The following SPACA1 variants were observed in gnomAD, a reference collection of about 807,000 sequenced individuals.
SPACA1 encodes sperm acrosome membrane-associated protein 1.
In SPACA1, 17 loss-of-function variants were observed where a neutral mutation model predicts 32.6. The ratio of observed to expected loss-of-function variants is 0.52; its 90% CI spans 0.36 to 0.78. The LOEUF (loss-of-function observed/expected upper bound fraction) is 0.78, where lower values mean the gene tolerates loss of function less well. SPACA1 is among the 30% of genes least tolerant of loss of function. SPACA1 has a pLI of 0.01. For missense variants in SPACA1, 363 were observed against 373.4 expected, an observed-to-expected ratio of 0.97 and a Z score of 0.23; for synonymous variants, 140 against 138.1, an observed-to-expected ratio of 1.01 and a Z score of -0.10.
chr6:88,064,043 T>C (rs1775937332), intron 5 of SPACA1, 56 bp from the exon 6 acceptor site: 1 of 1,548,046 alleles, frequency 6.5e-7, no homozygotes, highest in East Asian at 2.3e-5. Flanking sequence ...TTAAGTTAGA[T>C]ATTCATTTCC....
chr6:88,049,145 C>A (rs1327398447), intron 1 of SPACA1, among the ~76,000 whole-genome samples: 1 of 152,138 alleles, frequency 6.6e-6, no homozygotes, highest in Non-Finnish European at 1.5e-5. Context: ...AGATCCTTGA[C>A]TTCGGAAATG....
In SPACA1 at chr6:88,048,127, C is replaced by A; in HGVS notation, c.208+14C>A. On this transcript the variant is annotated intron_variant, in intron 1 of 6. Transcript: ENST00000237201. ...AAACCGAGGATGGTGAGGGCGGGAG[C>A]TCCCTTGCGGGGCACGCGGAGGCCC... The A allele has an allele frequency of 1.3e-6, 2 of 1,576,172 alleles. No homozygotes were observed. The highest frequency in any genetic ancestry group is 1.7e-6 in the Non-Finnish European group (2 of 1,160,994).
intron 2 of SPACA1, among the ~76,000 whole-genome samples, chr6:88,054,753 G>A (rs1775781483): frequency 6.6e-6 from 1 of 152,026 alleles, no homozygotes; most frequent in African/African-American, 2.4e-5. Context: ...ATTTTGCAGG[G>A]GTGGCGGTGT....
Position 88,066,631 on chromosome 6 carries a change from G to T in SPACA1, c.*296G>T. On this transcript the variant is annotated 3_prime_UTR_variant, in exon 7 of 7. Transcript: ENST00000237201. ...TTTTGATCACTTTGATAACTTCTTAGGTGATTTGCCTGTTTTGTCTTAAAT... is the reference window on the plus strand; with the variant it reads ...TTTTGATCACTTTGATAACTTCTTATGTGATTTGCCTGTTTTGTCTTAAAT... 5.4e-6 allele frequency: 1 copy of T among 184,478 alleles called. No homozygotes were observed. The highest frequency in any genetic ancestry group is 1.7e-4 in the South Asian group (1 of 6,054). The allele number at this position is 184,478 out of a possible 1,614,324, so 11.4% of individuals were successfully genotyped here. A position where few individuals can be genotyped will look rare whatever the true frequency, so the allele number is the denominator to read the frequency against.
At chr6:88,064,612 C>G (rs1345127272) in intron 6 of SPACA1, 2 of 152,896 alleles carry the variant, frequency 1.3e-5, no homozygotes, top group Non-Finnish European at 2.9e-5. Flanking sequence ...ATGAGTAGTA[C>G]ACCCTGGTAA....
chr6:88,064,432 C>G, intron 6 of SPACA1: 1 of 316,774 alleles, frequency 3.2e-6, no homozygotes. Flanking sequence ...ACTTGCTTCT[C>G]CAACTATGAG....
Position 88,066,227 on chromosome 6 carries a change from G to C in SPACA1, c.777G>C (p.Glu259Asp). 1 of 1,611,340 alleles carries C rather than the reference G, an allele frequency of 6.2e-7. No individual in the cohort carries two copies. The highest frequency in any genetic ancestry group is 8.5e-7 in the Non-Finnish European group (1 of 1,178,352). Residue 259 changes from glutamate (E) to aspartate (D), a missense_variant, in exon 7 of 7, where the codon GAG becomes GAC. Coordinates refer to ENST00000237201, the MANE Select transcript of SPACA1 (RefSeq NM_030960.3). ...AFWGAKASTP[E>D]VQSEQSSVRY... ...GGGGGGCAAAAGCCTCTACACCTGA[G>C]GTACAATCCGAGCAGAGTTCTGTGA... is the stretch of plus-strand genomic sequence containing the variant.
At chr6:88,061,495 T>G (rs1436753695) in intron 5 of SPACA1, among the ~76,000 whole-genome samples, 1 of 151,242 alleles carries the variant, frequency 6.6e-6, no homozygotes, top group African/African-American at 2.4e-5. Context: ...GAATGCCAGG[T>G]GAAGACACAG....
chr6:88,047,998 C>T lies in SPACA1; in HGVS notation c.93C>T (p.Asn31=), dbSNP rs747805683. ...LAGLQSARGT[N]VTAAVQDAGL... is the part of the protein sequence containing the mutation. ...GCCTCCAGTCCGCGCGCGGGACCAA[C>T]GTCACCGCTGCCGTCCAGGATGCCG... The change falls in exon 1 of 7, where the codon AAC becomes AAT. Residue 31 remains asparagine, a synonymous_variant. Coordinates refer to ENST00000237201, the MANE Select transcript of SPACA1 (RefSeq NM_030960.3). 8.2e-6 allele frequency: 13 copies of T among 1,581,768 alleles called. No homozygotes were observed. The South Asian group carries it at 1.5e-4, about 18-fold the overall frequency.
chr6:88,065,427 A>G (rs1330294381), intron 6 of SPACA1, among the ~76,000 whole-genome samples: 3 of 148,094 alleles, frequency 2.0e-5, no homozygotes, highest in Non-Finnish European at 4.5e-5. Flanking sequence ...ATATTTACAT[A>G]TATAATATAT....
At chr6:88,061,161 A>G (rs1427646590) in intron 5 of SPACA1, among the ~76,000 whole-genome samples, 7 of 152,232 alleles carry the variant, frequency 4.6e-5, no homozygotes, top group Admixed American at 4.6e-4. Flanking sequence ...TATGTAATTG[A>G]GATATTTTTA....
chr6:88,049,313 A>T (rs1775694114), intron 1 of SPACA1, among the ~76,000 whole-genome samples: 2 of 152,210 alleles, frequency 1.3e-5, no homozygotes, highest in African/African-American at 4.8e-5. Flanking sequence ...TTTAGGCTAA[A>T]CTCAGGCAAT....
In SPACA1 at chr6:88,058,931, C is replaced by T. The variant is rs11964433; in HGVS notation, c.474+109C>T. The T allele has an allele frequency of 3.3e-3, 2,111 of 644,164 alleles. 39 individuals carry two copies. The African/African-American group carries it at 0.034, about 10-fold the overall frequency. The allele number at this position is 644,164 out of a possible 1,614,324, so 39.9% of individuals were successfully genotyped here. ...TCTTTTTAAAAGCAGTTTGCCAAAA[C>T]GAAGTTAAGAATTATACAACTTTAT... On this transcript the variant is annotated intron_variant, in intron 4 of 6. Coordinates refer to ENST00000237201, the MANE Select transcript of SPACA1 (RefSeq NM_030960.3).
At chr6:88,052,707 T>C (rs1775746877) in intron 1 of SPACA1, among the ~76,000 whole-genome samples, 1 of 152,024 alleles carries the variant, frequency 6.6e-6, no homozygotes. Context: ...CATGGTGGCG[T>C]CTGCCTGTAG....
At chr6:88,059,619 A>T (rs1387148663) in intron 5 of SPACA1, 31 bp downstream of exon 5, 1 of 1,579,114 alleles carries the variant, frequency 6.3e-7, no homozygotes, top group Non-Finnish European at 8.6e-7. Flanking sequence ...TGGTTTGCTT[A>T]TATGCCAATC....
At chr6:88,057,167 C>T (rs1775822092) in intron 2 of SPACA1, among the ~76,000 whole-genome samples, 1 of 151,982 alleles carries the variant, frequency 6.6e-6, no homozygotes, top group Non-Finnish European at 1.5e-5. Flanking sequence ...AAAATACTGC[C>T]AATTAATTTA....
chr6:88,064,002 G>A, intron 5 of SPACA1, 97 bp from the exon 6 acceptor site: 1 of 1,356,670 alleles, frequency 7.4e-7, no homozygotes, highest in East Asian at 2.5e-5. Context: ...ATTTCTTTAT[G>A]TTTCTAGAGT....
chr6:88,061,072 G>T (rs1775890351), intron 5 of SPACA1, among the ~76,000 whole-genome samples: 1 of 152,154 alleles, frequency 6.6e-6, no homozygotes, highest in South Asian at 2.1e-4. Context: ...CACTGCAACA[G>T]ACCCCTTTGG....
rs369745181 is a variant in SPACA1 at position 88,057,678 on chromosome 6, G to A, written c.332G>A (p.Arg111Gln). The A allele has an allele frequency of 1.3e-5, 21 of 1,613,964 alleles. No individual in the cohort carries two copies. The highest frequency in any genetic ancestry group is 3.3e-4 in the Middle Eastern group (2 of 6,062). ...GGTGGTGAATCCAAGTGTGTTGTAC[G>A]GGTAGAAGAATGCCGTGGACCAACA... Reference protein sequence around the residue: ...CPGGESKCVVRVEECRGPTDC... With the variant: ...CPGGESKCVVQVEECRGPTDC... The change falls in exon 3 of 7, where the codon CGG becomes CAG. Residue 111 changes from arginine to glutamine, a missense_variant. By Grantham distance (43) the Arg-to-Gln change is conservative. Transcript: ENST00000237201.
Sources: allele counts gnomAD v4.1 joint callset (sites outside exome capture counted in the v4.1 genomes callset), GRCh38; gene constraint gnomAD v4.1.1; transcripts MANE v1.5; gene names NCBI Gene and HGNC (gene_info 2026-07-23, HGNC 2026-07-21).